The following PARD3B variants were observed in gnomAD, a reference collection of about 807,000 sequenced individuals.
PARD3B encodes the protein partitioning defective 3 homolog B.
PARD3B carries 103 observed loss-of-function variants against 130.2 expected under a neutral mutation model. The observed-to-expected ratio is 0.79, with a 90% CI of 0.67 to 0.93. PARD3B has a LOEUF of 0.93. Ranked by LOEUF, PARD3B falls within the 40% of genes least tolerant of loss-of-function variation. The pLI, the probability that PARD3B is intolerant of heterozygous loss-of-function variation, is 0.00. For missense variants in PARD3B, 1,609 were observed against 1,499.2 expected, an observed-to-expected ratio of 1.07 and a Z score of -1.21; for synonymous variants, 583 against 553.2, an observed-to-expected ratio of 1.05 and a Z score of -0.76.
chr2:205,389,431 C>A (rs190593532), intron 18 of PARD3B, among the ~76,000 whole-genome samples: 2 of 152,106 alleles, frequency 1.3e-5, no homozygotes, highest in Non-Finnish European at 2.9e-5. Flanking sequence ...GACGCTATGT[C>A]GGTTCACTGC....
At chr2:204,674,064 G>A (rs548231002) in intron 1 of PARD3B, among the ~76,000 whole-genome samples, 8 of 152,194 alleles carry the variant, frequency 5.3e-5, no homozygotes, top group African/African-American at 1.9e-4. Flanking sequence ...GTTTCTCATT[G>A]TCTTCATTTG....
chr2:205,576,149 A>G (rs979564099), intron 22 of PARD3B, among the ~76,000 whole-genome samples: 1 of 151,844 alleles, frequency 6.6e-6, no homozygotes, highest in Non-Finnish European at 1.5e-5. Context: ...CTTTTCATAT[A>G]CTGATTTGCC....
At chr2:205,469,538 TCTCTGC>T (rs2048751104) in intron 20 of PARD3B, among the ~76,000 whole-genome samples, 11 of 152,274 alleles carry the variant, frequency 7.2e-5, no homozygotes, top group Middle Eastern at 3.4e-3. Flanking sequence ...CCCCATCCAG[TCTCTGC>T]TTCAGAAGCT....
In PARD3B at chr2:205,564,837, A is replaced by G. The variant is rs1008702721; in HGVS notation, c.3260+11434A>G. Reference sequence around the variant, plus strand: ...TACAAATGTGAGAGGGGTTGGTACAAAAACAGCAGCCTCCAGAACGTGTTC... The same window carrying G: ...TACAAATGTGAGAGGGGTTGGTACAGAAACAGCAGCCTCCAGAACGTGTTC... On this transcript the variant is annotated intron_variant, in intron 22 of 22. Coordinates refer to ENST00000406610, the MANE Select transcript of PARD3B (RefSeq NM_001302769.2). This position sits in a 1 kb window ranked among gnomAD's most constrained non-coding sequence, Gnocchi z 4.6. Among the ~76,000 whole-genome samples the G allele has an allele frequency of 6.6e-6, 1 of 152,204 alleles. No individual in the cohort carries two copies. The highest frequency in any genetic ancestry group is 2.4e-5 in the African/African-American group (1 of 41,444).
chr2:205,532,889 G>T (rs1469364941), intron 21 of PARD3B, among the ~76,000 whole-genome samples: 1 of 152,088 alleles, frequency 6.6e-6, no homozygotes, highest in Non-Finnish European at 1.5e-5. Context: ...CTTAATTAAA[G>T]CAAATTATAG....
chr2:204,686,954 G>A (rs1341765585), intron 2 of PARD3B, among the ~76,000 whole-genome samples: 1 of 152,136 alleles, frequency 6.6e-6, no homozygotes, highest in Non-Finnish European at 1.5e-5. Context: ...AATACTACAG[G>A]TTTGGCTCCT....
At chr2:204,869,840 G>T (rs1285138010) in intron 2 of PARD3B, among the ~76,000 whole-genome samples, 2 of 152,126 alleles carry the variant, frequency 1.3e-5, no homozygotes, top group Non-Finnish European at 2.9e-5. Context: ...TTGTTTTAAA[G>T]ATATGTGTCT....
intron 1 of PARD3B, among the ~76,000 whole-genome samples, chr2:204,583,240 G>C (rs2032654869): frequency 9.3e-6 from 1 of 107,800 alleles, no homozygotes; most frequent in South Asian, 3.8e-4. Flanking sequence ...GTCCAACAAT[G>C]ATAGACTGGA....
intron 21 of PARD3B, among the ~76,000 whole-genome samples, chr2:205,506,936 G>T (rs890202802): frequency 1.7e-4 from 26 of 152,154 alleles, no homozygotes; most frequent in Admixed American, 1.2e-3. Flanking sequence ...AACTCCTCCA[G>T]ACAGGCCATT....
At chr2:204,785,297 C>G (rs901984354) in intron 2 of PARD3B, among the ~76,000 whole-genome samples, 2 of 152,264 alleles carry the variant, frequency 1.3e-5, no homozygotes, top group East Asian at 1.9e-4. Flanking sequence ...ATAAATGCAT[C>G]TGTTCCCCGT....
At chr2:204,628,923 T>C (rs2034581371) in intron 1 of PARD3B, among the ~76,000 whole-genome samples, 1 of 152,220 alleles carries the variant, frequency 6.6e-6, no homozygotes, top group African/African-American at 2.4e-5. Context: ...AAACATTCTA[T>C]AGAGTATGGC....
intron 4 of PARD3B, among the ~76,000 whole-genome samples, chr2:205,098,779 AG>A (rs1702561489): frequency 1.3e-5 from 2 of 152,094 alleles, no homozygotes; most frequent in African/African-American, 4.8e-5. Context: ...TGTTAGCGCT[AG>A]TGCTAACCAA....
chr2:204,953,873 CT>C (rs1169397026), intron 2 of PARD3B, among the ~76,000 whole-genome samples: 1 of 152,068 alleles, frequency 6.6e-6, no homozygotes, highest in Non-Finnish European at 1.5e-5. Context: ...TTTGGAAGGC[CT>C]TTTGTGCTAA....
At chr2:204,891,506 T>G (rs1334803190) in intron 2 of PARD3B, among the ~76,000 whole-genome samples, 1 of 152,206 alleles carries the variant, frequency 6.6e-6, no homozygotes, top group African/African-American at 2.4e-5. Flanking sequence ...GCATAGTGTA[T>G]GGCATTCCTT....
At chr2:205,141,236 T>G (rs2032924929) in intron 10 of PARD3B, among the ~76,000 whole-genome samples, 1 of 152,184 alleles carries the variant, frequency 6.6e-6, no homozygotes, top group Non-Finnish European at 1.5e-5. Flanking sequence ...TATGTTACTT[T>G]GTGCTTGCTT....
intron 11 of PARD3B, among the ~76,000 whole-genome samples, chr2:205,167,367 T>C (rs371607758): frequency 6.6e-6 from 1 of 152,044 alleles, no homozygotes; most frequent in African/African-American, 2.4e-5. Flanking sequence ...CTGGTGTAAA[T>C]ATTTTTTTTT....
chr2:205,285,824 A>G (rs1307266245), intron 16 of PARD3B, among the ~76,000 whole-genome samples: 3 of 152,116 alleles, frequency 2.0e-5, no homozygotes, highest in Non-Finnish European at 2.9e-5. Context: ...ACCTTCATGT[A>G]GATTGCTTGT....
chr2:204,718,760 G>C lies in PARD3B; in HGVS notation c.222+32478G>C, dbSNP rs867892904. ...TACCAGCTTTCTTTAGTTTATCTCT[G>C]TAAGCCAAGCCAAACAAGCCCTTGG... On this transcript the variant is annotated intron_variant, in intron 2 of 22. Coordinates refer to ENST00000406610, the MANE Select transcript of PARD3B (RefSeq NM_001302769.2). Among the ~76,000 whole-genome samples, 63 of 152,304 alleles carry C rather than the reference G, an allele frequency of 4.1e-4. No individual in the cohort carries two copies. The Middle Eastern group carries it at 0.014, about 33-fold the overall frequency.
intron 2 of PARD3B, among the ~76,000 whole-genome samples, chr2:204,846,394 A>G (rs1265149284): frequency 6.6e-6 from 1 of 152,088 alleles, no homozygotes. Context: ...TTCAAATGCT[A>G]GGTATCTGTT....
Sources: allele counts gnomAD v4.1 joint callset (sites outside exome capture counted in the v4.1 genomes callset), GRCh38; gene constraint gnomAD v4.1.1; non-coding constraint Gnocchi (gnomAD v3.1); transcripts MANE v1.5; gene names NCBI Gene and HGNC (gene_info 2026-07-23, HGNC 2026-07-21).